Variants in PKP1 observed in about 807,000 individuals in gnomAD.
PKP1 encodes plakophilin-1.
In PKP1, 27 loss-of-function variants were observed where a neutral mutation model predicts 76.4. The ratio of observed to expected loss-of-function variants is 0.35; its 90% CI spans 0.26 to 0.49. PKP1 has a LOEUF of 0.49. Ranked by LOEUF, PKP1 falls within the 20% of genes least tolerant of loss-of-function variation. The probability of loss-of-function intolerance (pLI) is 0.99; values close to 1 mark genes in which losing one functional copy is unlikely to be tolerated. For synonymous variants in PKP1, 404 were observed against 384.2 expected (o/e 1.05, Z -0.60); for missense variants, 964 against 955.2 (o/e 1.01, Z -0.12).
In PKP1 at chr1:201,283,614, G is replaced by A; in HGVS notation, c.-89G>A. ...TAGGGAGCCGCTGAGAGCGAGAAGA[G>A]CACGCTCCTGCCCGCCCGCTGCACC... On this transcript the variant is annotated 5_prime_UTR_variant, in exon 1 of 14. Transcript: ENST00000367324. 1 of 1,164,964 alleles carries A rather than the reference G, an allele frequency of 8.6e-7. No individual in the cohort carries two copies. The highest frequency in any genetic ancestry group is 1.3e-6 in the Non-Finnish European group (1 of 798,700). The allele number at this position is 1,164,964 out of a possible 1,614,324, so 72.2% of individuals were successfully genotyped here. A position where few individuals can be genotyped will look rare whatever the true frequency, so the allele number is the denominator to read the frequency against.
chr1:201,310,212 C>T (rs17576470), intron 2 of PKP1, among the ~76,000 whole-genome samples: 5,355 of 152,342 alleles, frequency 0.035, 136 homozygotes, highest in Non-Finnish European at 0.05. Context: ...TATGATGTCC[C>T]TACCGAGCAA....
intron 2 of PKP1, among the ~76,000 whole-genome samples, chr1:201,312,905 C>G (rs558671404): frequency 4.6e-5 from 7 of 152,198 alleles, no homozygotes; most frequent in Non-Finnish European, 1.0e-4. Flanking sequence ...ATTTTATATT[C>G]CAGGATATAT....
chr1:201,294,133 A>G, intron 2 of PKP1, 88 bp downstream of exon 2: 1 of 858,030 alleles, frequency 1.2e-6, no homozygotes, highest in Admixed American at 2.0e-5. Flanking sequence ...ACCAGTTGCT[A>G]AAAAGAGTGA....
chr1:201,287,860 A>T (rs900576828), intron 1 of PKP1, among the ~76,000 whole-genome samples: 1 of 152,242 alleles, frequency 6.6e-6, no homozygotes, highest in South Asian at 2.1e-4. Context: ...AAGATGTGTA[A>T]TGTTTGAACA....
chr1:201,299,265 T>C (rs1383511159), intron 2 of PKP1, among the ~76,000 whole-genome samples: 2 of 152,226 alleles, frequency 1.3e-5, no homozygotes, highest in Non-Finnish European at 1.5e-5. Context: ...TGTGTGACTC[T>C]AGTCAAGTTC....
rs777611608 is a variant in PKP1, at chr1:201,322,149, G to A, written c.1503+16G>A. On this transcript the variant is annotated intron_variant, in intron 8 of 13. Transcript: ENST00000367324. ...CAAGATGATGGTGAGCACAGCATCA[G>A]CAGGGCGGGGCCTGCCCCATCAAGC... is the stretch of plus-strand genomic sequence containing the variant. 6.2e-7 allele frequency: 1 copy of A among 1,607,584 alleles called. No individual in the cohort carries two copies. Among genetic ancestry groups the A allele is most frequent in the Non-Finnish European group, 8.5e-7 (1 of 1,179,592 alleles).
At chr1:201,327,308 C>T (rs529361540) in intron 12 of PKP1, among the ~76,000 whole-genome samples, 98 of 152,186 alleles carry the variant, frequency 6.4e-4, no homozygotes, top group African/African-American at 2.3e-3. Flanking sequence ...GGTTGAGCAG[C>T]GTGGGGCAGA....
rs1418362759 is a variant in PKP1, at chr1:201,317,641, G to T, written c.916G>T (p.Ala306Ser). ...LRSPNQNVQQ[A>S]AAGALRNLVF... ...CAGCCCCAACCAGAACGTCCAGCAGGCCGCGGCAGGGGCCCTGCGCAACCT... is the reference window on the plus strand; with the variant it reads ...CAGCCCCAACCAGAACGTCCAGCAGTCCGCGGCAGGGGCCCTGCGCAACCT... Residue 306 changes from alanine to serine, a missense_variant, in exon 5 of 14, where the codon GCC (alanine) becomes TCC (serine). Ala to Ser is a moderately conservative substitution (Grantham distance 99). Transcript: ENST00000367324. The T allele has an allele frequency of 6.2e-7, 1 of 1,614,048 alleles. No homozygotes were observed.
intron 3 of PKP1, among the ~76,000 whole-genome samples, chr1:201,314,978 G>T (rs1358599512): frequency 1.3e-5 from 2 of 152,254 alleles, no homozygotes. Flanking sequence ...AGGCCACACA[G>T]CTGGCTCTCC....
At chr1:201,322,178 C>T (rs1176444796) in intron 8 of PKP1, 45 bp downstream of exon 8, 1 of 1,593,816 alleles carries the variant, frequency 6.3e-7, no homozygotes, top group Non-Finnish European at 8.5e-7. Context: ...ATCAAGCACC[C>T]CCCCAGGAGC....
intron 1 of PKP1, among the ~76,000 whole-genome samples, chr1:201,289,598 G>T (rs776324862): frequency 1.3e-5 from 2 of 152,072 alleles, no homozygotes; most frequent in Non-Finnish European, 2.9e-5. Flanking sequence ...TGGGGGTGTG[G>T]AGTGTGGATC....
chr1:201,332,013 C>A lies in PKP1; in HGVS notation c.*1972C>A, dbSNP rs1012963523. 2.6e-5 allele frequency: 4 copies of A among 152,294 alleles called. No individual in the cohort carries two copies. Among genetic ancestry groups the A allele is most frequent in the Non-Finnish European group, 5.9e-5 (4 of 68,092 alleles). 9.4% of individuals were successfully genotyped at this position (152,294 alleles called of 1,614,324 possible). ...AATCTGTGCGGGGCAGTGTCCTAAG[C>A]ACTTAGACTACATCAGGGAAGAACA... On this transcript the variant is annotated 3_prime_UTR_variant, in exon 14 of 14. Transcript: ENST00000367324.
At chr1:201,326,401 C>T (rs904973499) in intron 12 of PKP1, among the ~76,000 whole-genome samples, 1 of 152,246 alleles carries the variant, frequency 6.6e-6, no homozygotes, top group Non-Finnish European at 1.5e-5. Flanking sequence ...TCCTCCACCC[C>T]TCCCCAGCTA....
At chr1:201,298,872 C>A (rs908481894) in intron 2 of PKP1, among the ~76,000 whole-genome samples, 3 of 152,218 alleles carry the variant, frequency 2.0e-5, no homozygotes, top group Non-Finnish European at 4.4e-5. Context: ...CTAAGGAGAA[C>A]TGATCTTGGC....
At chr1:201,285,492 C>T (rs1655707345) in intron 1 of PKP1, among the ~76,000 whole-genome samples, 1 of 152,168 alleles carries the variant, frequency 6.6e-6, no homozygotes, top group African/African-American at 2.4e-5. Flanking sequence ...GAGCACTTGC[C>T]TCCTTCCCTT....
In PKP1 at chr1:201,316,563, G is replaced by A; in HGVS notation, c.712G>A (p.Glu238Lys). ...HSRASSKICS[E>K]DIECSGLTIP... Reference sequence around the variant, plus strand: ...GCCTATTCTTCACAGGATCTGCAGTGAGGACATCGAGTGCAGTGGGCTGAC... The same window carrying A: ...GCCTATTCTTCACAGGATCTGCAGTAAGGACATCGAGTGCAGTGGGCTGAC... Residue 238 changes from glutamate (E) to lysine (K), a missense_variant, in exon 4 of 14, where the codon GAG becomes AAG. Coordinates refer to ENST00000367324, the MANE Select transcript of PKP1 (RefSeq NM_001005337.3). 2 of 1,608,116 alleles carry A rather than the reference G, an allele frequency of 1.2e-6. No individual in the cohort carries two copies. Among genetic ancestry groups the A allele is most frequent in the Non-Finnish European group, 1.7e-6 (2 of 1,177,142 alleles).
intron 3 of PKP1, chr1:201,316,125 C>CGGACGGACGGAT (rs772642182): frequency 0.012 from 584 of 47,790 alleles, 5 homozygotes; most frequent in East Asian, 0.051. Flanking sequence ...GACGGATGGA[C>CGGACGGACGGAT]GGACGGACGG....
At position 201,323,185 on chromosome 1, in the gene PKP1, G is replaced by A. The variant is rs1363541582; in HGVS notation, c.1676G>A (p.Gly559Glu). The change falls in exon 9 of 14, where the codon GGG (glycine) becomes GAG (glutamate). Residue 559 changes from glycine (G) to glutamate (E), a missense_variant. By Grantham distance (98) the Gly-to-Glu change is moderately conservative. Transcript: ENST00000367324. ...GALQNLTASK[G>E]LMSSGMSQLI... is the part of the protein sequence containing the mutation. ...CTGCAGAACCTGACAGCCAGCAAGG[G>A]GCTGGTGAGTGGGACTGTACCTTCT... 5 of 1,613,720 alleles carry A rather than the reference G, an allele frequency of 3.1e-6. No individual in the cohort carries two copies. The highest frequency in any genetic ancestry group is 1.6e-4 in the Middle Eastern group (1 of 6,084).
chr1:201,285,875 G>A (rs1655718711), intron 1 of PKP1, among the ~76,000 whole-genome samples: 1 of 152,218 alleles, frequency 6.6e-6, no homozygotes, highest in African/African-American at 2.4e-5. Flanking sequence ...GGCTTCACTG[G>A]GGGAGGGTTG....
Sources: gnomAD v4.1 joint callset for allele counts (sites outside exome capture counted in the v4.1 genomes callset) on GRCh38, gnomAD v4.1.1 for gene constraint, MANE v1.5 for transcripts, NCBI Gene and HGNC (gene_info 2026-07-23, HGNC 2026-07-21) for gene names.